Variants in BRSK2 observed in about 807,000 individuals in gnomAD.
The protein encoded by BRSK2 is serine/threonine-protein kinase BRSK2.
BRSK2 carries 19 observed loss-of-function variants against 83.3 expected under a neutral mutation model. The observed-to-expected ratio is 0.23, with a 90% CI of 0.16 to 0.33. The LOEUF is 0.33. Among genes scored for constraint, BRSK2 ranks in the 10% least tolerant of loss-of-function variants. The pLI is 1.00. For synonymous variants in BRSK2, 519 were observed against 435.4 expected (o/e 1.19, Z -2.39); for missense variants, 798 against 1,042.3 (o/e 0.77, Z 3.23).
At chr11:1,425,945 C>T (rs892184677) in intron 1 of BRSK2, among the ~76,000 whole-genome samples, 1 of 152,162 alleles carries the variant, frequency 6.6e-6, no homozygotes, top group African/African-American at 2.4e-5. Flanking sequence ...AGCGGATTTG[C>T]GGCCTCATGG....
At chr11:1,459,990 C>G (rs866648973) in intron 19 of BRSK2, among the ~76,000 whole-genome samples, 13 of 152,172 alleles carry the variant, frequency 8.5e-5, no homozygotes, top group Middle Eastern at 3.2e-3. Context: ...GCAGCTGCCC[C>G]CAGGGTCCTG....
At chr11:1,398,736 G>A (rs1038526118) in intron 1 of BRSK2, among the ~76,000 whole-genome samples, 2 of 152,192 alleles carry the variant, frequency 1.3e-5, no homozygotes, top group African/African-American at 4.8e-5. Flanking sequence ...CTTTCCCCAG[G>A]GTTAGGCTGC....
At position 1,412,717 on chromosome 11, in the gene BRSK2, A is replaced by G. The variant is rs187771822; in HGVS notation, c.91+22342A>G. The stretch of plus-strand genomic sequence containing the variant: ...AGGGACAGTGGCTGGGGGGTCAGAT[A>G]AGGCAGCCCCAGCCCAGAGGGGATC... On this transcript the variant is annotated intron_variant, in intron 1 of 19. Transcript: ENST00000528841. Among the ~76,000 whole-genome samples, 3 of 152,244 alleles carry G rather than the reference A, an allele frequency of 2.0e-5. No homozygotes were observed. In the East Asian group the frequency reaches 5.8e-4, roughly 29 times the overall value.
At chr11:1,413,189 C>T (rs1847733484) in intron 1 of BRSK2, among the ~76,000 whole-genome samples, 1 of 152,162 alleles carries the variant, frequency 6.6e-6, no homozygotes, top group Non-Finnish European at 1.5e-5. Flanking sequence ...GCCATGAGCT[C>T]CCCTGGGGGC....
intron 1 of BRSK2, among the ~76,000 whole-genome samples, chr11:1,399,218 C>G (rs1403965512): frequency 1.3e-5 from 2 of 152,044 alleles, no homozygotes; most frequent in East Asian, 3.9e-4. Context: ...CTCCAGGGTA[C>G]TTGGTTCCAG....
At chr11:1,408,792 G>A (rs895726622) in intron 1 of BRSK2, among the ~76,000 whole-genome samples, 2 of 142,180 alleles carry the variant, frequency 1.4e-5, no homozygotes, top group Admixed American at 7.0e-5. Context: ...GCTGTGCAAG[G>A]GTGTGTGTTT....
intron 18 of BRSK2, 78 bp downstream of exon 18, chr11:1,456,765 G>T: frequency 6.9e-7 from 1 of 1,453,474 alleles, no homozygotes; most frequent in East Asian, 2.5e-5. Flanking sequence ...GACGGGAGGC[G>T]TGAGGACCCG....
intron 19 of BRSK2, chr11:1,459,446 T>C (rs1349440653): frequency 1.7e-6 from 1 of 605,206 alleles, no homozygotes; most frequent in Non-Finnish European, 3.0e-6. Context: ...GCGGGGTTCC[T>C]GGCCAGACTC....
rs1448030075 is a variant in BRSK2, at chr11:1,442,679, GA to G, written c.530+74del. On this transcript the variant is annotated intron_variant, in intron 5 of 19. Transcript: ENST00000528841. ...GGGGGAAGAGGAGCCAGTGGACTGA[GA>G]GGCCCCCAGCCTGCCTGAGCCTCCC... 5.3e-5 allele frequency: 69 copies of G among 1,292,678 alleles called. No individual in the cohort carries two copies. In the East Asian group the frequency reaches 1.6e-3, roughly 30 times the overall value. The allele number at this position is 1,292,678 out of a possible 1,614,324, so 80.1% of individuals were successfully genotyped here.
rs117911171 is a variant in BRSK2, at chr11:1,448,728, A to G, written c.1227-1048A>G. Among the ~76,000 whole-genome samples the G allele has an allele frequency of 2.0e-5, 3 of 152,326 alleles. No homozygotes were observed. The East Asian group carries it at 5.8e-4, about 29-fold the overall frequency. On this transcript the variant is annotated intron_variant, in intron 12 of 19. Coordinates refer to ENST00000528841, the MANE Select transcript of BRSK2 (RefSeq NM_001256627.2). The stretch of plus-strand genomic sequence containing the variant: ...CCAGCCCTGGGTGTCATCCTGGCCC[A>G]GACAGGCTGGGTTGTGCATGGGGTC...
intron 12 of BRSK2, among the ~76,000 whole-genome samples, chr11:1,448,269 G>A (rs548580447): frequency 1.2e-4 from 18 of 152,308 alleles, no homozygotes; most frequent in African/African-American, 3.4e-4. Flanking sequence ...GGCAGGAGGC[G>A]CCGCCGTCAA....
intron 13 of BRSK2, 145 bp downstream of exon 13, chr11:1,449,981 T>A: frequency 1.6e-6 from 1 of 606,280 alleles, no homozygotes; most frequent in South Asian, 2.0e-5. Context: ...TGGCGGCTGC[T>A]GCTCTGTGGC....
rs117277254 is a variant in BRSK2 at position 1,461,395 on chromosome 11, G to A, written c.*672G>A. Reference sequence around the variant, plus strand: ...TCTTGGCCTCCTCAGGCTGCCTCCCGTCCTCTCGTCTCACCCGCGCCTCCC... The same window carrying A: ...TCTTGGCCTCCTCAGGCTGCCTCCCATCCTCTCGTCTCACCCGCGCCTCCC... On this transcript the variant is annotated 3_prime_UTR_variant, in exon 20 of 20. Transcript: ENST00000528841. 3,732 of 269,276 alleles carry A rather than the reference G, an allele frequency of 0.014. 47 individuals carry two copies. Among genetic ancestry groups the A allele is most frequent in the South Asian group, 0.019 (454 of 24,222 alleles). 16.7% of individuals were successfully genotyped at this position (269,276 alleles called of 1,614,324 possible). A position where few individuals can be genotyped will look rare whatever the true frequency, so the allele number is the denominator to read the frequency against.
At position 1,390,718 on chromosome 11, in the gene BRSK2, C is replaced by T. The variant is rs546160535; in HGVS notation, c.91+343C>T. Among the ~76,000 whole-genome samples, 855 of 151,154 alleles carry T rather than the reference C, an allele frequency of 5.7e-3. 6 individuals carry two copies. Among genetic ancestry groups the T allele is most frequent in the African/African-American group, 0.02 (808 of 41,378 alleles). On this transcript the variant is annotated intron_variant, in intron 1 of 19. Coordinates refer to ENST00000528841, the MANE Select transcript of BRSK2 (RefSeq NM_001256627.2). This position sits in a 1 kb window ranked among gnomAD's most constrained non-coding sequence, Gnocchi z 6.8. ...CGCCCCAGCGACCGGGCCCATTGTGCCGCGGGAGGAGGGGGCCGCGCGGGC... is the reference window on the plus strand; with the variant it reads ...CGCCCCAGCGACCGGGCCCATTGTGTCGCGGGAGGAGGGGGCCGCGCGGGC...
chr11:1,453,073 C>A (rs1307807947), intron 15 of BRSK2, among the ~76,000 whole-genome samples: 5 of 152,190 alleles, frequency 3.3e-5, no homozygotes, highest in Non-Finnish European at 7.3e-5. Flanking sequence ...GCGTTCTTTC[C>A]CCAGGAAGAC....
intron 18 of BRSK2, 60 bp from the exon 19 acceptor site, chr11:1,459,132 A>T: frequency 6.8e-7 from 1 of 1,462,654 alleles, no homozygotes; most frequent in South Asian, 1.2e-5. Context: ...GCGTCCAGCC[A>T]GAAGGCCCAG....
At chr11:1,401,781 T>C (rs1846496012) in intron 1 of BRSK2, among the ~76,000 whole-genome samples, 1 of 152,198 alleles carries the variant, frequency 6.6e-6, no homozygotes, top group Non-Finnish European at 1.5e-5. Flanking sequence ...CTCAGGGAGC[T>C]GTCCAGCACC....
At chr11:1,397,926 G>T (rs976905223) in intron 1 of BRSK2, among the ~76,000 whole-genome samples, 2 of 152,158 alleles carry the variant, frequency 1.3e-5, no homozygotes, top group African/African-American at 4.8e-5. Flanking sequence ...CGCCATCACT[G>T]CCCACTTGGC....
intron 1 of BRSK2, among the ~76,000 whole-genome samples, chr11:1,406,925 G>A (rs935412653): frequency 1.3e-4 from 20 of 152,194 alleles, no homozygotes; most frequent in Non-Finnish European, 2.4e-4. Context: ...TGTGTGGTGC[G>A]TCTGCATGTG....
Sources: allele counts gnomAD v4.1 joint callset (sites outside exome capture counted in the v4.1 genomes callset), GRCh38; gene constraint gnomAD v4.1.1; non-coding constraint Gnocchi (gnomAD v3.1); transcripts MANE v1.5; gene names NCBI Gene and HGNC (gene_info 2026-07-23, HGNC 2026-07-21).